The following MACROD2 variants were observed in gnomAD, a reference collection of about 807,000 sequenced individuals.
MACROD2 encodes ADP-ribose glycohydrolase MACROD2.
MACROD2 carries 36 observed loss-of-function variants against 70.4 expected under a neutral mutation model. The observed-to-expected ratio is 0.51, with a 90% CI of 0.39 to 0.68. MACROD2 has a LOEUF of 0.68. Ranked by LOEUF, MACROD2 falls within the 30% of genes least tolerant of loss-of-function variation. MACROD2 has a pLI of 0.00. For missense variants in MACROD2, 496 were observed against 538.4 expected, an observed-to-expected ratio of 0.92 and a Z score of 0.78; for synonymous variants, 172 against 178.8, an observed-to-expected ratio of 0.96 and a Z score of 0.30.
intron 3 of MACROD2, among the ~76,000 whole-genome samples, chr20:14,418,809 T>C (rs1202866706): frequency 2.0e-5 from 3 of 152,202 alleles, no homozygotes; most frequent in South Asian, 2.1e-4. Flanking sequence ...TAATGTTACA[T>C]GCACTAGAAT....
intron 5 of MACROD2, among the ~76,000 whole-genome samples, chr20:14,799,634 C>T (rs1436320484): frequency 1.3e-5 from 2 of 151,974 alleles, no homozygotes; most frequent in African/African-American, 4.8e-5. Context: ...TTGTGTGTTT[C>T]CTTAGAAGTT....
At chr20:14,402,010 T>C (rs188979331) in intron 3 of MACROD2, among the ~76,000 whole-genome samples, 70 of 152,314 alleles carry the variant, frequency 4.6e-4, no homozygotes, top group African/African-American at 1.6e-3. Flanking sequence ...GCTTTGTCAA[T>C]TATTTTAATA....
chr20:15,000,365 T>C (rs1379896314), intron 5 of MACROD2, among the ~76,000 whole-genome samples: 1 of 130,684 alleles, frequency 7.7e-6, no homozygotes, highest in Non-Finnish European at 1.6e-5. Flanking sequence ...GGCTCACGCC[T>C]GTAGTCCCAG....
At chr20:14,346,937 T>C (rs1294267604) in intron 3 of MACROD2, among the ~76,000 whole-genome samples, 1 of 152,218 alleles carries the variant, frequency 6.6e-6, no homozygotes, top group Non-Finnish European at 1.5e-5. Flanking sequence ...GTCTGTCCAC[T>C]TATACATAGA....
rs751315281 is a variant in MACROD2, at chr20:15,639,526, C to T, written c.645+139679C>T. 8.5e-5 allele frequency among the ~76,000 whole-genome samples: 13 copies of T among 152,270 alleles called. No homozygotes were observed. The East Asian group carries it at 1.2e-3, about 14-fold the overall frequency. On this transcript the variant is annotated intron_variant, in intron 8 of 17. Coordinates refer to ENST00000684519, the MANE Select transcript of MACROD2 (RefSeq NM_001351661.2). ...GATGGAGCCATTTGCAAAGATGTTA[C>T]GGAAGAAGCTGCTGTGGCCACCCCT...
At chr20:14,531,529 C>T (rs1244326616) in intron 4 of MACROD2, among the ~76,000 whole-genome samples, 2 of 152,128 alleles carry the variant, frequency 1.3e-5, no homozygotes, top group East Asian at 3.9e-4. Flanking sequence ...GGACCTCTGG[C>T]CTCCAGAGAT....
At chr20:15,580,785 GT>G (rs2048513020) in intron 8 of MACROD2, among the ~76,000 whole-genome samples, 1 of 152,148 alleles carries the variant, frequency 6.6e-6, no homozygotes. Context: ...ATAACAAATG[GT>G]TATGGCTCTT....
At chr20:14,462,032 G>A (rs6131585) in intron 3 of MACROD2, among the ~76,000 whole-genome samples, 43,521 of 151,766 alleles carry the variant, frequency 0.29, 6,364 homozygotes, top group Admixed American at 0.32. Context: ...CCAGTAATGA[G>A]CATGGAATGT....
intron 8 of MACROD2, among the ~76,000 whole-genome samples, chr20:15,611,537 G>T (rs574264815): frequency 1.3e-5 from 2 of 152,032 alleles, no homozygotes; most frequent in African/African-American, 4.8e-5. Context: ...TCCAGTTGGT[G>T]TGCATGAAGG....
chr20:15,707,578 A>G (rs1280008230), intron 8 of MACROD2, among the ~76,000 whole-genome samples: 2 of 152,056 alleles, frequency 1.3e-5, no homozygotes, highest in Non-Finnish European at 2.9e-5. Flanking sequence ...GAGTTCAGGA[A>G]TTTGAGACCA....
At chr20:14,670,857 T>C (rs1174969278) in intron 4 of MACROD2, among the ~76,000 whole-genome samples, 1 of 152,120 alleles carries the variant, frequency 6.6e-6, no homozygotes, top group Non-Finnish European at 1.5e-5. Flanking sequence ...GTTGACTAGA[T>C]GGCTGCTGAA....
intron 8 of MACROD2, among the ~76,000 whole-genome samples, chr20:15,656,826 C>G (rs958199466): frequency 2.0e-5 from 3 of 151,828 alleles, no homozygotes; most frequent in African/African-American, 7.3e-5. Flanking sequence ...AGCTCCAGTC[C>G]TGCCCCCAAG....
At chr20:15,921,078 C>A (rs981925242) in intron 10 of MACROD2, among the ~76,000 whole-genome samples, 1 of 152,080 alleles carries the variant, frequency 6.6e-6, no homozygotes, top group Non-Finnish European at 1.5e-5. Flanking sequence ...ATATTCCTAC[C>A]CCACAAAACA....
chr20:15,213,462 C>A (rs968328401), intron 5 of MACROD2, among the ~76,000 whole-genome samples: 1 of 151,926 alleles, frequency 6.6e-6, no homozygotes, highest in African/African-American at 2.4e-5. Context: ...GGCCTCTTAG[C>A]AAAATCTAAA....
rs573551283 is a variant in MACROD2 at position 16,011,314 on chromosome 20, ACT to A, written c.1153+24157_1153+24158del. ...GAGTCTGTGAGGCCAAAACAAAGCCACTGTTCTAGAATGAGCCAATTAACCAC... is the reference window on the plus strand; with the variant it reads ...GAGTCTGTGAGGCCAAAACAAAGCCAGTTCTAGAATGAGCCAATTAACCAC... On this transcript the variant is annotated intron_variant, in intron 15 of 17. Transcript: ENST00000684519. 4.6e-5 allele frequency among the ~76,000 whole-genome samples: 7 copies of A among 152,360 alleles called. No individual in the cohort carries two copies. The South Asian group carries it at 1.2e-3, about 27-fold the overall frequency.
At chr20:14,615,105 G>A (rs1321864037) in intron 4 of MACROD2, among the ~76,000 whole-genome samples, 1 of 152,104 alleles carries the variant, frequency 6.6e-6, no homozygotes, top group Non-Finnish European at 1.5e-5. Flanking sequence ...TAACCCCACA[G>A]GAGCTCTGGG....
At chr20:15,335,110 G>T (rs1014748691) in intron 6 of MACROD2, among the ~76,000 whole-genome samples, 1 of 151,696 alleles carries the variant, frequency 6.6e-6, no homozygotes, top group African/African-American at 2.4e-5. Flanking sequence ...GAGTTTCAAG[G>T]AGCTAACTCA....
intron 12 of MACROD2, among the ~76,000 whole-genome samples, chr20:15,940,558 C>T (rs1296864342): frequency 6.6e-6 from 1 of 152,180 alleles, no homozygotes; most frequent in East Asian, 1.9e-4. Flanking sequence ...CTTGAGCAAC[C>T]AAGTGGTGGC....
In MACROD2 at chr20:14,195,239, TTAAAGA is replaced by T. The variant is rs1371118828; in HGVS notation, c.271+109514_271+109519del. On this transcript the variant is annotated intron_variant, in intron 3 of 17. Coordinates refer to ENST00000684519, the MANE Select transcript of MACROD2 (RefSeq NM_001351661.2). ...ATAAAAAGAAAGTTGTCAAAAATGTTTAAAGATAGAGTATAGCACACCAAACCCCAC... is the reference window on the plus strand; with the variant it reads ...ATAAAAAGAAAGTTGTCAAAAATGTTTAGAGTATAGCACACCAAACCCCAC... Among the ~76,000 whole-genome samples the T allele has an allele frequency of 7.9e-5, 12 of 152,040 alleles. No homozygotes were observed. In the South Asian group the frequency reaches 1.5e-3, roughly 18 times the overall value.
Sources: allele counts gnomAD v4.1 joint callset (sites outside exome capture counted in the v4.1 genomes callset), GRCh38; gene constraint gnomAD v4.1.1; transcripts MANE v1.5; gene names NCBI Gene and HGNC (gene_info 2026-07-23, HGNC 2026-07-21).